Variants in PTPRS observed in about 807,000 individuals in gnomAD.
PTPRS encodes protein tyrosine phosphatase receptor type S.
PTPRS carries 63 observed loss-of-function variants against 215.3 expected under a neutral mutation model. The observed-to-expected ratio is 0.29, with a 90% CI of 0.24 to 0.36. The LOEUF (loss-of-function observed/expected upper bound fraction) is 0.36, where lower values mean the gene tolerates loss of function less well. Ranked by LOEUF, PTPRS falls within the 10% of genes least tolerant of loss-of-function variation. The pLI is 1.00. For missense variants in PTPRS, 2,258 were observed against 2,825.8 expected (o/e 0.80, Z 4.56); for synonymous variants, 1,404 against 1,191.4 (o/e 1.18, Z -3.68).
intron 12 of PTPRS, 40 bp downstream of exon 12, chr19:5,240,159 G>A (rs1383420213): frequency 1.4e-6 from 2 of 1,470,292 alleles, no homozygotes; most frequent in Non-Finnish European, 1.8e-6. Context: ...GCGCCGGGGA[G>A]GAGCCCAGGG....
chr19:5,327,551 C>A (rs1409671236), intron 1 of PTPRS, among the ~76,000 whole-genome samples: 1 of 152,274 alleles, frequency 6.6e-6, no homozygotes, highest in South Asian at 2.1e-4. Flanking sequence ...TCAGTAACTT[C>A]TCCACCTGTC....
At chr19:5,262,660 AC>A (rs1315404449) in intron 6 of PTPRS, among the ~76,000 whole-genome samples, 1 of 149,954 alleles carries the variant, frequency 6.7e-6, no homozygotes, top group East Asian at 2.0e-4. Flanking sequence ...ATGCCTCTGA[AC>A]CCCCCTCAGC....
intron 14 of PTPRS, among the ~76,000 whole-genome samples, chr19:5,230,444 T>C (rs1182829598): frequency 2.0e-5 from 3 of 152,186 alleles, no homozygotes; most frequent in Non-Finnish European, 4.4e-5. Context: ...ACTACAGGCC[T>C]GTGCCACCAT....
intron 11 of PTPRS, among the ~76,000 whole-genome samples, chr19:5,243,640 C>T (rs959431519): frequency 4.0e-5 from 6 of 151,656 alleles, no homozygotes; most frequent in African/African-American, 7.3e-5. Context: ...CCACCACGCC[C>T]GGCTAATTTT....
In PTPRS at chr19:5,240,250, C is replaced by G. The variant is rs2043913633; in HGVS notation, c.1653G>C (p.Glu551Asp). The G allele has an allele frequency of 6.3e-7, 1 of 1,580,344 alleles. No homozygotes were observed. The change falls in exon 12 of 38, where the codon GAG becomes GAC. Residue 551 changes from glutamate (E) to aspartate (D), a missense_variant. By Grantham distance (45) the Glu-to-Asp change is conservative (BLOSUM62 2). Around this residue, in one of 6 missense-constraint regions of PTPRS, gnomAD observed 508 missense variants for 799.4 expected, o/e 0.64. Transcript: ENST00000262963. ...ITLSWSPPRQ[E>D]SIIKYELLFR... The stretch of plus-strand genomic sequence containing the variant: ...AGAGGAGCTCGTACTTGATGATACT[C>G]TCCTGCCGCGGGGGGCTCCAGGACA...
chr19:5,320,090 A>G (rs1026501168), intron 1 of PTPRS, among the ~76,000 whole-genome samples: 2 of 152,304 alleles, frequency 1.3e-5, no homozygotes, highest in African/African-American at 4.8e-5. Context: ...CTGCGGCCAA[A>G]GCAGCCGCTG....
rs542345642 is a variant in PTPRS, at chr19:5,229,528, G to A, written c.2312C>T (p.Pro771Leu). Residue 771 changes from proline (P) to leucine (L), a missense_variant, in exon 15 of 38, where the codon CCG becomes CTG. By Grantham distance (98) the Pro-to-Leu change is moderately conservative (BLOSUM62 -3). Coordinates refer to ENST00000262963, the MANE Select transcript of PTPRS (RefSeq NM_002850.4). ...VRMEGAEARG[P>L]PRIKDVMLAD... ...CAGCATGACGTCCTTGATGCGCGGC[G>A]GCCCGCGGGCCTCGGCGCCCTCCAT... 14 of 1,464,950 alleles carry A rather than the reference G, an allele frequency of 9.6e-6. No individual in the cohort carries two copies. The South Asian group carries it at 1.1e-4, about 11-fold the overall frequency. 90.7% of individuals were successfully genotyped at this position (1,464,950 alleles called of 1,614,324 possible).
At chr19:5,300,782 A>AG (rs1323583638) in intron 1 of PTPRS, among the ~76,000 whole-genome samples, 16 of 151,168 alleles carry the variant, frequency 1.1e-4, no homozygotes, top group Non-Finnish European at 1.5e-4. Flanking sequence ...AAAAAAAAAA[A>AG]AAAGAAAAGA....
At position 5,257,294 on chromosome 19, in the gene PTPRS, C is replaced by A; in HGVS notation, c.706+723G>T. ...GAGGCCCCCACGCTGCTGGGCATGA[C>A]TGAGTGGGAATTGGAAACTGAGAGT... On this transcript the variant is annotated intron_variant, in intron 8 of 37. Transcript: ENST00000262963. This position sits in a 1 kb window ranked among gnomAD's most constrained non-coding sequence, Gnocchi z 4.4. The A allele has an allele frequency of 2.5e-6, 1 of 403,852 alleles. No homozygotes were observed. The highest frequency in any genetic ancestry group is 1.8e-5 in the South Asian group (1 of 56,586). The allele number at this position is 403,852 out of a possible 1,614,324, so 25.0% of individuals were successfully genotyped here. A position where few individuals can be genotyped will look rare whatever the true frequency, so the allele number is the denominator to read the frequency against.
At chr19:5,281,138 T>G (rs955376410) in intron 2 of PTPRS, among the ~76,000 whole-genome samples, 2 of 151,838 alleles carry the variant, frequency 1.3e-5, no homozygotes, top group Admixed American at 6.6e-5. Context: ...CCAATCCCAC[T>G]GTACTGATTC....
intron 14 of PTPRS, among the ~76,000 whole-genome samples, chr19:5,230,367 G>A (rs1230398287): frequency 1.3e-5 from 2 of 152,098 alleles, no homozygotes; most frequent in Non-Finnish European, 2.9e-5. Context: ...GCAGGATCAC[G>A]GCTCACTGCA....
At chr19:5,254,716 C>T (rs561325968) in intron 9 of PTPRS, among the ~76,000 whole-genome samples, 77 of 152,208 alleles carry the variant, frequency 5.1e-4, no homozygotes, top group African/African-American at 1.7e-3. Flanking sequence ...CGCCTGTGAC[C>T]GGGCTCAGAG....
Position 5,231,480 on chromosome 19 carries a change from C to G in PTPRS, c.1985G>C (p.Gly662Ala). The change falls in exon 14 of 38, where the codon GGC becomes GCC. Residue 662 changes from glycine (G) to alanine (A), a missense_variant. Gly to Ala is a moderately conservative substitution (Grantham distance 60, BLOSUM62 0). Transcript: ENST00000262963. ...CTCCTTGGGTTCCGGGTCCTCTGAG[C>G]CCAGCGGTCGGTAGCGGACGCTGTA... Reference protein sequence around the residue: ...VGYSVRYRPLGSEDPEPKEVN... With the variant: ...VGYSVRYRPLASEDPEPKEVN... The G allele has an allele frequency of 6.2e-7, 1 of 1,612,878 alleles. No homozygotes were observed. The highest frequency in any genetic ancestry group is 8.5e-7 in the Non-Finnish European group (1 of 1,179,906).
chr19:5,208,520 C>G, intron 35 of PTPRS, 129 bp from the exon 36 acceptor site: 1 of 1,006,082 alleles, frequency 9.9e-7, no homozygotes, highest in East Asian at 2.8e-5. Flanking sequence ...TCACTCTTGT[C>G]GCCCAGGTTG....
intron 10 of PTPRS, 25 bp downstream of exon 10, chr19:5,245,751 T>TA (rs2044427183): frequency 6.5e-7 from 1 of 1,543,924 alleles, no homozygotes; most frequent in African/African-American, 1.4e-5. Flanking sequence ...CCCCTCCACC[T>TA]ACGAGCCCCA....
At chr19:5,285,253 A>G (rs2048246858) in intron 2 of PTPRS, among the ~76,000 whole-genome samples, 1 of 152,234 alleles carries the variant, frequency 6.6e-6, no homozygotes, top group Non-Finnish European at 1.5e-5. Flanking sequence ...GCCTGACTGC[A>G]GAACCCAGTC....
intron 1 of PTPRS, among the ~76,000 whole-genome samples, chr19:5,297,982 G>A (rs2049190868): frequency 6.6e-6 from 1 of 151,932 alleles, no homozygotes; most frequent in Non-Finnish European, 1.5e-5. Context: ...TTTTAGTAGA[G>A]ACAGGGTTTC....
At chr19:5,321,027 T>C (rs552474200) in intron 1 of PTPRS, among the ~76,000 whole-genome samples, 2 of 152,236 alleles carry the variant, frequency 1.3e-5, no homozygotes, top group South Asian at 2.1e-4. Flanking sequence ...TGTGGGAGGC[T>C]GAGGCAGGAG....
intron 1 of PTPRS, among the ~76,000 whole-genome samples, chr19:5,319,472 CA>C (rs2049968744): frequency 6.6e-6 from 1 of 151,492 alleles, no homozygotes; most frequent in African/African-American, 2.4e-5. Context: ...TTCTCCCCAC[CA>C]CCCACCTTTG....
Sources: gnomAD v4.1 joint callset for allele counts (sites outside exome capture counted in the v4.1 genomes callset) on GRCh38, gnomAD v4.1.1 for gene constraint, gnomAD v4.1.1 regional missense constraint, Gnocchi (gnomAD v3.1) non-coding constraint, MANE v1.5 for transcripts, NCBI Gene and HGNC (gene_info 2026-07-23, HGNC 2026-07-21) for gene names.